LAMA2: variants seen among roughly 807,000 people sequenced by gnomAD.
LAMA2 encodes the protein laminin subunit alpha 2.
Under a neutral mutation model 364.8 loss-of-function variants are expected in LAMA2, and 269 were observed. That is an observed-to-expected ratio of 0.74 (90% confidence interval 0.67 to 0.82). The LOEUF is 0.82. Among genes scored for constraint, LAMA2 ranks in the 40% least tolerant of loss-of-function variants. LAMA2 has a pLI of 0.00. For synonymous variants in LAMA2, 1,379 were observed against 1,370.6 expected, an observed-to-expected ratio of 1.01 and a Z score of -0.14; for missense variants, 3,807 against 3,873.2, an observed-to-expected ratio of 0.98 and a Z score of 0.45.
chr6:129,387,349 A>G (rs1337588456), intron 35 of LAMA2, among the ~76,000 whole-genome samples: 1 of 152,206 alleles, frequency 6.6e-6, no homozygotes, highest in Non-Finnish European at 1.5e-5. Context: ...TCAAAACCAC[A>G]ATGAGATAAC....
At chr6:129,483,558 C>A (rs530881126) in intron 55 of LAMA2, among the ~76,000 whole-genome samples, 1 of 152,036 alleles carries the variant, frequency 6.6e-6, no homozygotes, top group Non-Finnish European at 1.5e-5. Context: ...AAAAATATGT[C>A]ATTTCTCCCC....
intron 1 of LAMA2, among the ~76,000 whole-genome samples, chr6:128,968,629 G>T (rs1782001286): frequency 6.6e-6 from 1 of 152,118 alleles, no homozygotes; most frequent in Non-Finnish European, 1.5e-5. Context: ...TGCTTGTAGA[G>T]AAATGCAGAG....
At chr6:128,986,632 A>T (rs1783255229) in intron 1 of LAMA2, among the ~76,000 whole-genome samples, 1 of 152,086 alleles carries the variant, frequency 6.6e-6, no homozygotes, top group Non-Finnish European at 1.5e-5. Context: ...ATATTATCAT[A>T]TACAACATAG....
intron 11 of LAMA2, 49 bp from the exon 12 acceptor site, chr6:129,192,631 C>A (rs768225714): frequency 5.8e-6 from 9 of 1,543,266 alleles, no homozygotes; most frequent in Non-Finnish European, 7.2e-6. Flanking sequence ...AGAAAAGCAG[C>A]TGATAGATAT....
At chr6:128,924,087 T>G (rs1048776900) in intron 1 of LAMA2, among the ~76,000 whole-genome samples, 20 of 152,052 alleles carry the variant, frequency 1.3e-4, no homozygotes, top group Non-Finnish European at 2.5e-4. Context: ...TTACATATAA[T>G]GGCAGAAGAA....
chr6:129,338,220 A>G (rs1229791841), intron 29 of LAMA2, among the ~76,000 whole-genome samples: 1 of 152,218 alleles, frequency 6.6e-6, no homozygotes, highest in Non-Finnish European at 1.5e-5. Context: ...TTTAGGTTAC[A>G]TAAAATAATT....
intron 4 of LAMA2, among the ~76,000 whole-genome samples, chr6:129,107,055 A>C (rs901547256): frequency 5.9e-5 from 9 of 151,966 alleles, no homozygotes; most frequent in African/African-American, 1.9e-4. Flanking sequence ...ACTGATATGG[A>C]ACAGAAGGGT....
At chr6:129,352,271 G>T (rs530107932) in intron 31 of LAMA2, among the ~76,000 whole-genome samples, 2 of 152,208 alleles carry the variant, frequency 1.3e-5, no homozygotes, top group African/African-American at 2.4e-5. Context: ...AACTTCCAGT[G>T]TCATAACACG....
At chr6:129,354,870 T>C (rs1777063767) in intron 32 of LAMA2, among the ~76,000 whole-genome samples, 1 of 152,198 alleles carries the variant, frequency 6.6e-6, no homozygotes, top group Middle Eastern at 3.2e-3. Flanking sequence ...TTAGAAATCG[T>C]AATTCATCTT....
intron 18 of LAMA2, among the ~76,000 whole-genome samples, chr6:129,287,441 G>T (rs1562418801): frequency 6.6e-6 from 1 of 152,120 alleles, no homozygotes; most frequent in Non-Finnish European, 1.5e-5. Flanking sequence ...AGTTCTGGCT[G>T]CAACAACAAC....
At chr6:129,180,827 TG>T (rs1359214293) in intron 10 of LAMA2, among the ~76,000 whole-genome samples, 1 of 152,238 alleles carries the variant, frequency 6.6e-6, no homozygotes, top group South Asian at 2.1e-4. Context: ...ACTGAGCAAC[TG>T]GGGTCATGGG....
chr6:129,475,439 T>C lies in LAMA2; in HGVS notation c.7451+38T>C. 3 of 1,539,294 alleles carry C rather than the reference T, an allele frequency of 1.9e-6. No individual in the cohort carries two copies. In the South Asian group the frequency reaches 3.4e-5, roughly 18 times the overall value. Reference sequence around the variant, plus strand: ...TTTATGCATGCCTTCTTCGAGTGCATGGGTTGGGTAAATGTGGCTTCTTAG... The same window carrying C: ...TTTATGCATGCCTTCTTCGAGTGCACGGGTTGGGTAAATGTGGCTTCTTAG... On this transcript the variant is annotated intron_variant, in intron 53 of 64. Transcript: ENST00000421865.
chr6:129,278,807 T>A (rs545152340), intron 17 of LAMA2, among the ~76,000 whole-genome samples: 2 of 152,268 alleles, frequency 1.3e-5, no homozygotes, highest in East Asian at 3.9e-4. Flanking sequence ...TGAGTTGAAA[T>A]GTTTAAAATG....
chr6:129,259,110 A>G (rs369237545), intron 14 of LAMA2, among the ~76,000 whole-genome samples: 1 of 152,162 alleles, frequency 6.6e-6, no homozygotes, highest in South Asian at 2.1e-4. Flanking sequence ...ATATGAGCTC[A>G]TACATATTCA....
intron 41 of LAMA2, among the ~76,000 whole-genome samples, chr6:129,435,818 T>C (rs1781804866): frequency 6.6e-6 from 1 of 152,216 alleles, no homozygotes; most frequent in African/African-American, 2.4e-5. Flanking sequence ...ATCCTCCATC[T>C]ATCCACCTTT....
intron 1 of LAMA2, among the ~76,000 whole-genome samples, chr6:128,911,833 C>G (rs571465181): frequency 2.3e-4 from 35 of 152,246 alleles, no homozygotes; most frequent in Middle Eastern, 3.4e-3. Flanking sequence ...TCTTCCACAG[C>G]CCTGAAACTC....
chr6:129,506,934 G>C (rs1786132215), intron 61 of LAMA2, among the ~76,000 whole-genome samples: 2 of 152,034 alleles, frequency 1.3e-5, no homozygotes, highest in Admixed American at 1.3e-4. Context: ...GAGTGTGATT[G>C]AGTTACTTCT....
intron 1 of LAMA2, among the ~76,000 whole-genome samples, chr6:128,909,725 C>A (rs952097357): frequency 4.6e-5 from 7 of 151,552 alleles, no homozygotes; most frequent in Non-Finnish European, 1.0e-4. Context: ...CAGTTTCTTC[C>A]TAGTCTCGAT....
intron 60 of LAMA2, 70 bp downstream of exon 60, chr6:129,503,350 G>T (rs1785800362): frequency 7.0e-7 from 1 of 1,438,142 alleles, no homozygotes; most frequent in African/African-American, 1.4e-5. Context: ...CATTCTCCTG[G>T]TGCCAGTATA....
Sources: allele counts gnomAD v4.1 joint callset (sites outside exome capture counted in the v4.1 genomes callset), GRCh38; gene constraint gnomAD v4.1.1; transcripts MANE v1.5; gene names NCBI Gene and HGNC (gene_info 2026-07-23, HGNC 2026-07-21).